ALK: variants seen among roughly 807,000 people sequenced by gnomAD.
The protein encoded by ALK is ALK receptor tyrosine kinase.
ALK carries 74 observed loss-of-function variants against 163.1 expected under a neutral mutation model. The observed-to-expected ratio is 0.45, with a 90% confidence interval of 0.38 to 0.55. ALK has a LOEUF of 0.55. Among genes scored for constraint, ALK ranks in the 20% least tolerant of loss-of-function variants. The probability of loss-of-function intolerance (pLI) is 0.00; values close to 1 mark genes in which losing one functional copy is unlikely to be tolerated. For synonymous variants in ALK, 960 were observed against 843.2 expected (o/e 1.14, Z -2.40); for missense variants, 2,063 against 2,105.3 (o/e 0.98, Z 0.39).
chr2:29,610,818 C>A lies in ALK; in HGVS notation c.953-78702G>T, dbSNP rs181382148. Among the ~76,000 whole-genome samples, 6 of 152,210 alleles carry A rather than the reference C, an allele frequency of 3.9e-5. No homozygotes were observed. In the South Asian group the frequency reaches 1.2e-3, roughly 32 times the overall value. On this transcript the variant is annotated intron_variant, in intron 3 of 28. Transcript: ENST00000389048. ...TCAACAATAATTAAAAAAATGACTC[C>A]GGATAAGATCATGTCCTAGTTCTGC...
intron 4 of ALK, among the ~76,000 whole-genome samples, chr2:29,402,782 G>T (rs1324719766): frequency 2.0e-5 from 3 of 152,170 alleles, no homozygotes; most frequent in Non-Finnish European, 2.9e-5. Flanking sequence ...TGAGGTCTGG[G>T]CTATGCATCT....
At chr2:29,808,563 G>C (rs1455642183) in intron 1 of ALK, among the ~76,000 whole-genome samples, 1 of 152,150 alleles carries the variant, frequency 6.6e-6, no homozygotes, top group Non-Finnish European at 1.5e-5. Context: ...CTGAGACCCA[G>C]GATACCTATC....
intron 9 of ALK, among the ~76,000 whole-genome samples, chr2:29,289,934 G>A (rs535734994): frequency 3.3e-5 from 5 of 152,204 alleles, no homozygotes; most frequent in African/African-American, 9.6e-5. Context: ...CAGGACTCGT[G>A]TTCTGTGATG....
chr2:29,603,680 A>T (rs1177442474), intron 3 of ALK, among the ~76,000 whole-genome samples: 1 of 151,756 alleles, frequency 6.6e-6, no homozygotes, highest in Non-Finnish European at 1.5e-5. Context: ...TTTTTGGTTT[A>T]CCAGTTCATC....
intron 5 of ALK, 113 bp downstream of exon 5, chr2:29,383,619 C>T: frequency 6.9e-7 from 1 of 1,453,424 alleles, no homozygotes; most frequent in South Asian, 1.2e-5. Flanking sequence ...ACCCAGCCCA[C>T]TCTAGACTTT....
chr2:29,267,081 ACT>A (rs150083664), intron 11 of ALK, among the ~76,000 whole-genome samples: 13 of 147,462 alleles, frequency 8.8e-5, no homozygotes, highest in African/African-American at 9.9e-5. Flanking sequence ...TTACTAGAAG[ACT>A]CTCTCTCTCT....
intron 3 of ALK, among the ~76,000 whole-genome samples, chr2:29,668,352 A>T (rs765797249): frequency 2.0e-5 from 3 of 151,660 alleles, no homozygotes; most frequent in Non-Finnish European, 2.9e-5. Flanking sequence ...TCATTAGTCT[A>T]CTTGAGGTCT....
intron 4 of ALK, among the ~76,000 whole-genome samples, chr2:29,471,059 T>C (rs1259286522): frequency 2.0e-5 from 3 of 152,134 alleles, no homozygotes; most frequent in Non-Finnish European, 4.4e-5. Flanking sequence ...TATATAACTA[T>C]ATTTTAATGG....
At chr2:29,822,642 T>C (rs1665081092) in intron 1 of ALK, among the ~76,000 whole-genome samples, 1 of 152,206 alleles carries the variant, frequency 6.6e-6, no homozygotes. Context: ...TCCTCACTTA[T>C]AAATTGACAA....
At chr2:29,668,250 T>A (rs1239197280) in intron 3 of ALK, among the ~76,000 whole-genome samples, 1 of 151,990 alleles carries the variant, frequency 6.6e-6, no homozygotes, top group Non-Finnish European at 1.5e-5. Flanking sequence ...ATCTTCTGTA[T>A]TTTTTTAGTC....
intron 4 of ALK, among the ~76,000 whole-genome samples, chr2:29,431,273 T>A (rs539584841): frequency 6.6e-6 from 1 of 152,228 alleles, no homozygotes; most frequent in East Asian, 1.9e-4. Context: ...TCAGGTTGTA[T>A]CTCCCAAGAG....
chr2:29,477,798 G>C (rs4666225), intron 4 of ALK, among the ~76,000 whole-genome samples: 75,341 of 151,954 alleles, frequency 0.5, 19,980 homozygotes, highest in South Asian at 0.62. Flanking sequence ...AAAGACTTAG[G>C]GGAAATTGCT....
chr2:29,717,036 G>A (rs1246829482), intron 2 of ALK, among the ~76,000 whole-genome samples: 2 of 150,554 alleles, frequency 1.3e-5, no homozygotes, highest in East Asian at 1.9e-4. Flanking sequence ...GCCAGGCATG[G>A]TAGTGGGAGC....
intron 4 of ALK, among the ~76,000 whole-genome samples, chr2:29,478,672 C>A (rs2148116405): frequency 6.6e-6 from 1 of 152,330 alleles, no homozygotes; most frequent in East Asian, 1.9e-4. Context: ...TGATGCCGAT[C>A]TGTATCAACG....
At chr2:29,269,151 A>C (rs1558646299) in intron 11 of ALK, among the ~76,000 whole-genome samples, 1 of 152,216 alleles carries the variant, frequency 6.6e-6, no homozygotes, top group African/African-American at 2.4e-5. Flanking sequence ...GTCTGTGAGA[A>C]TCAAATGAAA....
chr2:29,376,038 C>G (rs1363551085), intron 5 of ALK, among the ~76,000 whole-genome samples: 1 of 152,142 alleles, frequency 6.6e-6, no homozygotes, highest in Non-Finnish European at 1.5e-5. Flanking sequence ...GACATGCTAG[C>G]CCCGAGATAG....
chr2:29,295,913 C>A (rs905005649), intron 9 of ALK, among the ~76,000 whole-genome samples: 1 of 152,122 alleles, frequency 6.6e-6, no homozygotes. Context: ...TAGAAATGGC[C>A]CCTCGCCCCT....
rs138933372 is a variant in ALK, at chr2:29,687,989, C to T, written c.952+6861G>A. Among the ~76,000 whole-genome samples, 593 of 152,270 alleles carry T rather than the reference C, an allele frequency of 3.9e-3. 4 individuals carry two copies. The highest frequency in any genetic ancestry group is 0.014 in the African/African-American group (563 of 41,554). On this transcript the variant is annotated intron_variant, in intron 3 of 28. Transcript: ENST00000389048. ...AGGAAATATTGGTTGCAGCCTGCATCTTAGGTATGTCAGTTGAAATGGAAA... is the reference window on the plus strand; with the variant it reads ...AGGAAATATTGGTTGCAGCCTGCATTTTAGGTATGTCAGTTGAAATGGAAA...
chr2:29,833,897 T>C (rs1441493676), intron 1 of ALK, among the ~76,000 whole-genome samples: 1 of 152,196 alleles, frequency 6.6e-6, no homozygotes, highest in East Asian at 1.9e-4. Flanking sequence ...ATTACATGAT[T>C]ACTCGAGATC....
Sources: allele counts gnomAD v4.1 joint callset (sites outside exome capture counted in the v4.1 genomes callset), GRCh38; gene constraint gnomAD v4.1.1; transcripts MANE v1.5; gene names NCBI Gene and HGNC (gene_info 2026-07-23, HGNC 2026-07-21).